The following ZDHHC21 variants were observed in gnomAD, a reference collection of about 807,000 sequenced individuals.
The protein encoded by ZDHHC21 is palmitoyltransferase ZDHHC21.
Under a neutral mutation model 34.6 loss-of-function variants are expected in ZDHHC21, and 15 were observed. That is an observed-to-expected ratio of 0.43 (90% CI 0.29 to 0.67). The LOEUF (loss-of-function observed/expected upper bound fraction) is 0.67. Among genes scored for constraint, ZDHHC21 ranks in the 30% least tolerant of loss-of-function variants. The probability of loss-of-function intolerance (pLI) is 0.14; values close to 1 mark genes in which losing one functional copy is unlikely to be tolerated. For missense variants in ZDHHC21, 344 were observed against 327.7 expected (o/e 1.05, Z -0.38); for synonymous variants, 142 against 101.8 (o/e 1.40, Z -2.38).
chr9:14,610,009 A>G (rs1416133657), downstream of ZDHHC21, among the ~76,000 whole-genome samples: 1 of 151,862 alleles, frequency 6.6e-6, no homozygotes, highest in Non-Finnish European at 1.5e-5. Flanking sequence ...AGCTTTGCAG[A>G]AACATAAAAT....
chr9:14,689,633 ACTG>A (rs1838875084), intron 2 of ZDHHC21, among the ~76,000 whole-genome samples: 1 of 152,188 alleles, frequency 6.6e-6, no homozygotes, highest in Admixed American at 6.5e-5. Context: ...CAGTATTAAT[ACTG>A]CTAACACTAT....
intron 2 of ZDHHC21, among the ~76,000 whole-genome samples, chr9:14,686,983 A>C (rs968822077): frequency 2.7e-5 from 4 of 150,012 alleles, no homozygotes; most frequent in Non-Finnish European, 4.4e-5. Context: ...AAAAAAACAA[A>C]AAAAAAAACA....
At chr9:14,624,741 G>A (rs1255321358) in intron 8 of ZDHHC21, among the ~76,000 whole-genome samples, 2 of 152,072 alleles carry the variant, frequency 1.3e-5, no homozygotes, top group African/African-American at 4.8e-5. Context: ...TTGCACAGCA[G>A]TGTGATTACA....
chr9:14,693,303 C>T lies in ZDHHC21; in HGVS notation c.-299G>A, dbSNP rs1257487728. 2.6e-5 allele frequency: 11 copies of T among 416,566 alleles called. No individual in the cohort carries two copies. Among genetic ancestry groups the T allele is most frequent in the Non-Finnish European group, 5.2e-5 (11 of 211,076 alleles). The allele number at this position is 416,566 out of a possible 1,614,324, so 25.8% of individuals were successfully genotyped here. ...AGCTCTTTCCCCTCCTCCTGCCGCG[C>T]CACCTCCGCCTCCTCCGGCGCCGCC... On this transcript the variant is annotated 5_prime_UTR_variant, in exon 1 of 10. Coordinates refer to ENST00000380916, the MANE Select transcript of ZDHHC21 (RefSeq NM_178566.6).
chr9:14,673,189 C>A (rs1261226071), intron 4 of ZDHHC21, among the ~76,000 whole-genome samples: 2 of 151,732 alleles, frequency 1.3e-5, no homozygotes, highest in African/African-American at 2.4e-5. Context: ...AAATCAGATC[C>A]CTTAATAACA....
intron 3 of ZDHHC21, among the ~76,000 whole-genome samples, chr9:14,675,538 C>T (rs1032096653): frequency 6.6e-6 from 1 of 151,798 alleles, no homozygotes; most frequent in Non-Finnish European, 1.5e-5. Context: ...AAGCACTGAC[C>T]CATGAGCTTC....
In ZDHHC21 at chr9:14,619,092, C is replaced by T. The variant is rs779295356; in HGVS notation, c.672G>A (p.Arg224=). 18 of 1,607,114 alleles carry T rather than the reference C, an allele frequency of 1.1e-5. No individual in the cohort carries two copies. In the South Asian group the frequency reaches 2.0e-4, roughly 18 times the overall value. ...KMSNCCEDIS[R]PRKPWQQTFS... is the part of the protein sequence containing the mutation. The stretch of plus-strand genomic sequence containing the variant: ...AGGTCTGCTGCCATGGCTTTCGGGG[C>T]CTCGATCTACAGAAGACAGCATTAT... Residue 224 remains arginine (R), a synonymous_variant, in exon 10 of 10, where the codon AGG becomes AGA. Transcript: ENST00000380916.
intron 3 of ZDHHC21, among the ~76,000 whole-genome samples, chr9:14,676,334 T>C (rs1014163462): frequency 6.8e-5 from 10 of 148,112 alleles, no homozygotes; most frequent in Admixed American, 3.4e-4. Context: ...CTAAGAACAA[T>C]TCATAATCAA....
intron 1 of ZDHHC21, among the ~76,000 whole-genome samples, chr9:14,691,394 C>G (rs1332124925): frequency 6.6e-6 from 1 of 152,176 alleles, no homozygotes; most frequent in Admixed American, 6.5e-5. Flanking sequence ...CGGTCTTTTT[C>G]AAGCTATATG....
chr9:14,640,126 C>G (rs1829065616), intron 7 of ZDHHC21, 114 bp from the exon 8 acceptor site: 1 of 546,710 alleles, frequency 1.8e-6, no homozygotes, highest in Admixed American at 2.8e-5. Flanking sequence ...CTTAAAAGAA[C>G]TACCTCTCCC....
the ZDHHC21 span, among the ~76,000 whole-genome samples, chr9:14,602,858 G>C: frequency 6.9e-6 from 1 of 144,546 alleles, no homozygotes; most frequent in Non-Finnish European, 1.5e-5. Flanking sequence ...AGGTGTTCGA[G>C]GTTACAGTGA....
chr9:14,638,253 A>G (rs879495104), intron 8 of ZDHHC21, among the ~76,000 whole-genome samples: 15 of 152,104 alleles, frequency 9.9e-5, no homozygotes, highest in Admixed American at 9.2e-4. Context: ...CTGATTTTTG[A>G]CAAAGGCATC....
the ZDHHC21 span, among the ~76,000 whole-genome samples, chr9:14,595,646 T>G: frequency 6.6e-6 from 1 of 152,120 alleles, no homozygotes; most frequent in Non-Finnish European, 1.5e-5. Flanking sequence ...AAAATATAAA[T>G]ACATCTGACA....
chr9:14,643,048 G>A (rs889431297), intron 7 of ZDHHC21, among the ~76,000 whole-genome samples: 3 of 152,038 alleles, frequency 2.0e-5, no homozygotes, highest in African/African-American at 7.2e-5. Flanking sequence ...AGACTAGCCT[G>A]GCCAACAGGC....
At chr9:14,592,915 C>T in the ZDHHC21 span, among the ~76,000 whole-genome samples, 1 of 152,026 alleles carries the variant, frequency 6.6e-6, no homozygotes, top group African/African-American at 2.4e-5. Flanking sequence ...TCTAAACAAT[C>T]CATGATCAAA....
chr9:14,634,559 G>A (rs913386453), intron 8 of ZDHHC21, among the ~76,000 whole-genome samples: 6 of 152,066 alleles, frequency 3.9e-5, no homozygotes, highest in African/African-American at 9.7e-5. Flanking sequence ...CACACCCTAA[G>A]CCACTGATGA....
At chr9:14,655,225 G>A (rs1041268047) in intron 7 of ZDHHC21, among the ~76,000 whole-genome samples, 18 of 151,994 alleles carry the variant, frequency 1.2e-4, no homozygotes, top group South Asian at 6.2e-4. Context: ...AAAACTGAAC[G>A]AAAGTAACCA....
chr9:14,634,835 T>C (rs952560849), intron 8 of ZDHHC21, among the ~76,000 whole-genome samples: 1 of 152,008 alleles, frequency 6.6e-6, no homozygotes, highest in Non-Finnish European at 1.5e-5. Flanking sequence ...AATTCTCCAA[T>C]AAAATATTAC....
At chr9:14,597,005 G>C in the ZDHHC21 span, among the ~76,000 whole-genome samples, 1 of 152,140 alleles carries the variant, frequency 6.6e-6, no homozygotes, top group Admixed American at 6.5e-5. Context: ...GTAAGTGAGA[G>C]ATCCCCCAGT....
Sources: gnomAD v4.1 joint callset for allele counts (sites outside exome capture counted in the v4.1 genomes callset) on GRCh38, gnomAD v4.1.1 for gene constraint, MANE v1.5 for transcripts, NCBI Gene and HGNC (gene_info 2026-07-23, HGNC 2026-07-21) for gene names.